The following EYS variants were observed in gnomAD, a reference collection of about 807,000 sequenced individuals.
The protein encoded by EYS is EGF-like photoreceptor maintenance factor.
In EYS, 250 loss-of-function variants were observed where a neutral mutation model predicts 282.1. That is an observed-to-expected ratio of 0.89 (90% CI 0.80 to 0.98). EYS has a LOEUF of 0.98. Ranked by LOEUF, EYS falls within the 50% of genes least tolerant of loss-of-function variation. The pLI is 0.00. For synonymous variants in EYS, 1,355 were observed against 1,282.9 expected, an observed-to-expected ratio of 1.06 and a Z score of -1.20; for missense variants, 4,016 against 3,709.0, an observed-to-expected ratio of 1.08 and a Z score of -2.15.
intron 5 of EYS, among the ~76,000 whole-genome samples, chr6:65,416,648 A>G (rs1002848806): frequency 7.9e-5 from 12 of 152,000 alleles, no homozygotes; most frequent in African/African-American, 2.9e-4. Flanking sequence ...ATTTCAGTAA[A>G]TTCTTTTGGT....
intron 12 of EYS, among the ~76,000 whole-genome samples, chr6:65,260,871 A>G (rs1367294065): frequency 6.6e-6 from 1 of 152,082 alleles, no homozygotes; most frequent in Non-Finnish European, 1.5e-5. Context: ...TTAGAAAGAG[A>G]TCACTACCTT....
intron 15 of EYS, among the ~76,000 whole-genome samples, chr6:64,942,625 G>T (rs1484716789): frequency 6.6e-6 from 1 of 151,460 alleles, no homozygotes; most frequent in Admixed American, 6.6e-5. Flanking sequence ...TAAAGGAAAT[G>T]GGTAAATACC....
intron 19 of EYS, among the ~76,000 whole-genome samples, chr6:64,873,358 A>G (rs905320324): frequency 6.6e-6 from 1 of 152,084 alleles, no homozygotes; most frequent in Non-Finnish European, 1.5e-5. Flanking sequence ...TGGGAATTCA[A>G]GAAGAGATTT....
At chr6:65,350,897 C>T (rs911276079) in intron 9 of EYS, among the ~76,000 whole-genome samples, 2 of 151,612 alleles carry the variant, frequency 1.3e-5, no homozygotes, top group Non-Finnish European at 3.0e-5. Flanking sequence ...TTAGAAAAAT[C>T]CCTTAATTAA....
intron 12 of EYS, among the ~76,000 whole-genome samples, chr6:65,224,331 A>C (rs1766560532): frequency 1.3e-5 from 2 of 152,212 alleles, no homozygotes; most frequent in African/African-American, 4.8e-5. Flanking sequence ...AGCAATCACA[A>C]AGTAAATTCT....
intron 31 of EYS, among the ~76,000 whole-genome samples, chr6:64,117,066 G>T (rs1028736842): frequency 6.6e-6 from 1 of 152,004 alleles, no homozygotes; most frequent in African/African-American, 2.4e-5. Flanking sequence ...TAGACCAACT[G>T]AACCTAATAG....
chr6:64,574,875 A>G (rs1765831434), intron 26 of EYS, among the ~76,000 whole-genome samples: 1 of 152,144 alleles, frequency 6.6e-6, no homozygotes, highest in African/African-American at 2.4e-5. Flanking sequence ...TAAATATTAA[A>G]TGATCTAAAA....
chr6:64,803,918 A>G (rs1170185287), intron 22 of EYS, among the ~76,000 whole-genome samples: 1 of 152,196 alleles, frequency 6.6e-6, no homozygotes, highest in East Asian at 1.9e-4. Flanking sequence ...CAGGGCCCCC[A>G]GAGCACAGGG....
At chr6:64,203,427 G>A (rs1271082224) in intron 31 of EYS, among the ~76,000 whole-genome samples, 1 of 152,166 alleles carries the variant, frequency 6.6e-6, no homozygotes, top group Non-Finnish European at 1.5e-5. Context: ...ATAGAAGAGT[G>A]TAAGGGCATC....
intron 5 of EYS, among the ~76,000 whole-genome samples, chr6:65,454,408 T>C (rs890490984): frequency 5.3e-5 from 8 of 152,026 alleles, no homozygotes; most frequent in African/African-American, 1.9e-4. Flanking sequence ...ATATAAATCC[T>C]TTGTTAGATG....
intron 1 of EYS, among the ~76,000 whole-genome samples, chr6:65,652,765 G>A (rs1767700155): frequency 6.6e-6 from 1 of 151,924 alleles, no homozygotes; most frequent in Non-Finnish European, 1.5e-5. Flanking sequence ...CAGGAAGGGT[G>A]CAGATGAAAT....
chr6:65,325,643 G>C (rs1009036604), intron 11 of EYS, among the ~76,000 whole-genome samples: 1 of 152,086 alleles, frequency 6.6e-6, no homozygotes, highest in African/African-American at 2.4e-5. Context: ...GGACTGTGAG[G>C]AGGAGAAGGG....
intron 16 of EYS, among the ~76,000 whole-genome samples, chr6:64,906,562 T>C (rs1203841935): frequency 1.3e-5 from 2 of 152,206 alleles, no homozygotes; most frequent in Non-Finnish European, 2.9e-5. Flanking sequence ...ACTGGAGTAA[T>C]AGACACATTT....
chr6:65,066,551 T>C (rs1387022550), intron 12 of EYS, among the ~76,000 whole-genome samples: 2 of 152,214 alleles, frequency 1.3e-5, no homozygotes, highest in Admixed American at 6.5e-5. Flanking sequence ...TGTTTCATGA[T>C]ACAGTAGACT....
intron 6 of EYS, among the ~76,000 whole-genome samples, chr6:65,404,433 T>A (rs1242437489): frequency 2.0e-5 from 3 of 151,948 alleles, no homozygotes. Context: ...TGGTGGAGGA[T>A]GAGGGGCATA....
intron 18 of EYS, among the ~76,000 whole-genome samples, chr6:64,900,041 C>A (rs1219283645): frequency 6.6e-6 from 1 of 152,002 alleles, no homozygotes. Context: ...ATATATAGAC[C>A]AATGGAACAG....
At chr6:65,381,081 A>G (rs1200855650) in intron 8 of EYS, among the ~76,000 whole-genome samples, 12 of 152,166 alleles carry the variant, frequency 7.9e-5, no homozygotes, top group Admixed American at 7.9e-4. Flanking sequence ...ATATAGAACT[A>G]GAAATACCAT....
chr6:65,148,147 C>T (rs77421252), intron 12 of EYS, among the ~76,000 whole-genome samples: 2,856 of 152,188 alleles, frequency 0.019, 72 homozygotes, highest in African/African-American at 0.065. Flanking sequence ...AACATGCATT[C>T]TCAACAGTCC....
chr6:64,121,166 A>C (rs546234502), intron 31 of EYS, among the ~76,000 whole-genome samples: 1 of 152,244 alleles, frequency 6.6e-6, no homozygotes, highest in South Asian at 2.1e-4. Context: ...CCAGTCAACT[A>C]TGACCCAGTC....
Sources: gnomAD v4.1 joint callset for allele counts (sites outside exome capture counted in the v4.1 genomes callset) on GRCh38, gnomAD v4.1.1 for gene constraint, MANE v1.5 for transcripts, NCBI Gene and HGNC (gene_info 2026-07-23, HGNC 2026-07-21) for gene names.